The following SNX8 variants were observed in gnomAD, a reference collection of about 807,000 sequenced individuals.
SNX8 encodes sorting nexin 8.
SNX8 carries 25 observed loss-of-function variants against 51.6 expected under a neutral mutation model. The observed-to-expected ratio is 0.48, with a 90% CI of 0.35 to 0.68. The LOEUF (loss-of-function observed/expected upper bound fraction) is 0.68, where lower values mean the gene tolerates loss of function less well. Ranked by LOEUF, SNX8 falls within the 30% of genes least tolerant of loss-of-function variation. The probability of loss-of-function intolerance (pLI) is 0.00; values close to 1 mark genes in which losing one functional copy is unlikely to be tolerated. For synonymous variants in SNX8, 324 were observed against 277.0 expected, an observed-to-expected ratio of 1.17 and a Z score of -1.68; for missense variants, 695 against 624.0, an observed-to-expected ratio of 1.11 and a Z score of -1.21.
At chr7:2,297,627 T>TGGA (rs1285549594) in intron 1 of SNX8, among the ~76,000 whole-genome samples, 3 of 144,948 alleles carry the variant, frequency 2.1e-5, no homozygotes, top group Non-Finnish European at 4.5e-5. Flanking sequence ...TGCAAAGATA[T>TGGA]GGAATCAACC....
rs1795144750 is a variant in SNX8, at chr7:2,255,097, G to C, written c.1357C>G (p.Pro453Ala). Reference protein sequence around the residue: ...LFAGPHSTLTPPCSPPEDGLC... With the variant: ...LFAGPHSTLTAPCSPPEDGLC... ...CCGTCCTCCGGCGGGGAGCACGGTG[G>C]GGTCAGGGTGCTGTGTGGTCCCGCA... is the stretch of plus-strand genomic sequence containing the variant. The change falls in exon 11 of 11, where the codon CCA (proline) becomes GCA (alanine). Residue 453 changes from proline to alanine, a missense_variant. Physicochemically the swap from Pro to Ala is conservative, Grantham distance 27. Transcript: ENST00000222990. 1 of 1,580,588 alleles carries C rather than the reference G, an allele frequency of 6.3e-7. No homozygotes were observed. The highest frequency in any genetic ancestry group is 1.8e-5 in the Admixed American group (1 of 55,414).
Position 2,259,092 on chromosome 7 carries a change from C to T in SNX8, c.916-1289G>A, listed in dbSNP as rs186420195. On this transcript the variant is annotated intron_variant, in intron 7 of 10. Transcript: ENST00000222990. ...CAGAGGCATCTGCGGTATGAAGAGTCGGTCCAAAGCCCTGGGCTCCAGCTG... is the reference window on the plus strand; with the variant it reads ...CAGAGGCATCTGCGGTATGAAGAGTTGGTCCAAAGCCCTGGGCTCCAGCTG... Among the ~76,000 whole-genome samples the T allele has an allele frequency of 9.2e-5, 14 of 152,304 alleles. No homozygotes were observed. The East Asian group carries it at 2.5e-3, about 27-fold the overall frequency.
chr7:2,268,080 AC>A (rs1795524380), intron 5 of SNX8, among the ~76,000 whole-genome samples: 1 of 70,664 alleles, frequency 1.4e-5, no homozygotes, highest in African/African-American at 6.4e-5. Flanking sequence ...GGTCAGCCCC[AC>A]CACCTGGCCA....
chr7:2,340,513 T>C (rs976435100), intron 1 of SNX8, among the ~76,000 whole-genome samples: 3 of 151,982 alleles, frequency 2.0e-5, no homozygotes, highest in Non-Finnish European at 2.9e-5. Flanking sequence ...GGACACTCTA[T>C]ATTTTTACAG....
intron 1 of SNX8, among the ~76,000 whole-genome samples, chr7:2,351,129 G>GA (rs1779129528): frequency 6.6e-6 from 1 of 151,382 alleles, no homozygotes; most frequent in Non-Finnish European, 1.5e-5. Flanking sequence ...AAAACAAAAA[G>GA]AAAAAAATCT....
intron 1 of SNX8, among the ~76,000 whole-genome samples, chr7:2,291,026 G>A (rs558617040): frequency 6.6e-6 from 1 of 152,316 alleles, no homozygotes; most frequent in South Asian, 2.1e-4. Context: ...CGGGGCACTG[G>A]CTCACGCCTG....
At chr7:2,284,396 C>CTTTTTTTTTTTTTTTT (rs751803296) in intron 1 of SNX8, among the ~76,000 whole-genome samples, 3 of 88,908 alleles carry the variant, frequency 3.4e-5, no homozygotes, top group African/African-American at 8.9e-5. Flanking sequence ...CTTTTATTTC[C>CTTTTTTTTTTTTTTTT]TTTTTTTTTT....
At chr7:2,312,789 C>T (rs1303401661) in intron 1 of SNX8, among the ~76,000 whole-genome samples, 2 of 152,112 alleles carry the variant, frequency 1.3e-5, no homozygotes, top group Admixed American at 1.3e-4. Flanking sequence ...TAACTCACAC[C>T]AACACCCACC....
intron 1 of SNX8, among the ~76,000 whole-genome samples, chr7:2,279,973 C>A (rs1795873596): frequency 6.6e-6 from 1 of 152,178 alleles, no homozygotes; most frequent in Non-Finnish European, 1.5e-5. Flanking sequence ...GCCATACGAT[C>A]TTCTAAATGC....
intron 1 of SNX8, among the ~76,000 whole-genome samples, chr7:2,323,054 G>A (rs1329318139): frequency 6.6e-6 from 1 of 151,944 alleles, no homozygotes; most frequent in Non-Finnish European, 1.5e-5. Context: ...TGTGGGCCAG[G>A]CATGGTGGCT....
intron 1 of SNX8, among the ~76,000 whole-genome samples, chr7:2,307,038 T>C (rs1314590217): frequency 2.6e-5 from 4 of 152,106 alleles, no homozygotes; most frequent in Non-Finnish European, 4.4e-5. Flanking sequence ...AAAATGCTTA[T>C]AGGGAGCTAA....
At chr7:2,347,337 C>CA (rs1779050647) in intron 1 of SNX8, among the ~76,000 whole-genome samples, 1 of 151,774 alleles carries the variant, frequency 6.6e-6, no homozygotes. Flanking sequence ...AAAAATTAGT[C>CA]AGGCTTCGTG....
chr7:2,339,085 T>G (rs760533397), intron 1 of SNX8, among the ~76,000 whole-genome samples: 1 of 152,110 alleles, frequency 6.6e-6, no homozygotes, highest in Non-Finnish European at 1.5e-5. Flanking sequence ...TTTTTAAAAA[T>G]TATTTGTAGA....
intron 1 of SNX8, among the ~76,000 whole-genome samples, chr7:2,310,445 C>A (rs1367113120): frequency 6.6e-6 from 1 of 152,000 alleles, no homozygotes; most frequent in East Asian, 1.9e-4. Flanking sequence ...GCAACACAGC[C>A]AGACTGTCTC....
At chr7:2,330,524 A>G (rs1293264791) in intron 1 of SNX8, among the ~76,000 whole-genome samples, 2 of 152,066 alleles carry the variant, frequency 1.3e-5, no homozygotes, top group African/African-American at 4.8e-5. Flanking sequence ...TTGAACCCCA[A>G]AAGACGGTCC....
At chr7:2,336,664 C>A (rs573082935) in intron 1 of SNX8, among the ~76,000 whole-genome samples, 7 of 151,818 alleles carry the variant, frequency 4.6e-5, no homozygotes, top group African/African-American at 1.7e-4. Context: ...GCCGAGATTG[C>A]GTCACTGCAC....
rs183972919 is a variant in SNX8 at position 2,269,901 on chromosome 7, G to A, written c.541-262C>T. Among the ~76,000 whole-genome samples, 345 of 152,138 alleles carry A rather than the reference G, an allele frequency of 2.3e-3. 4 individuals are homozygous for A. The highest frequency in any genetic ancestry group is 3.8e-3 in the Non-Finnish European group (256 of 67,992). ...AGGCACAGCCACTCCATCCGCAGAC[G>A]GGGGGCAGCTCTCCAGAGAAACAGC... On this transcript the variant is annotated intron_variant, in intron 4 of 10. Coordinates refer to ENST00000222990, the MANE Select transcript of SNX8 (RefSeq NM_013321.4).
chr7:2,350,292 C>T (rs1268189040), intron 1 of SNX8, among the ~76,000 whole-genome samples: 1 of 152,186 alleles, frequency 6.6e-6, no homozygotes, highest in Non-Finnish European at 1.5e-5. Flanking sequence ...GGGTTAGTCT[C>T]GGCCCAGTCT....
intron 3 of SNX8, among the ~76,000 whole-genome samples, chr7:2,273,103 G>C (rs1382653786): frequency 1.3e-5 from 2 of 151,944 alleles, no homozygotes; most frequent in East Asian, 3.9e-4. Context: ...CAAAGTGCTG[G>C]GATTACAGGC....
Sources: allele counts gnomAD v4.1 joint callset (sites outside exome capture counted in the v4.1 genomes callset), GRCh38; gene constraint gnomAD v4.1.1; transcripts MANE v1.5; gene names NCBI Gene and HGNC (gene_info 2026-07-23, HGNC 2026-07-21).